BCLAF3: variants seen among roughly 807,000 people sequenced by gnomAD.
BCLAF3 encodes BCLAF1 and THRAP3 family member 3.
A neutral mutation model predicts 51.2 loss-of-function variants in BCLAF3; 24 were observed. The ratio of observed to expected loss-of-function variants is 0.47; its 90% CI spans 0.34 to 0.66. The LOEUF is 0.66. Among genes scored for constraint, BCLAF3 ranks in the 30% least tolerant of loss-of-function variants. The pLI is 0.01. For missense variants in BCLAF3, 465 were observed against 525.1 expected (o/e 0.89, Z 1.12); for synonymous variants, 152 against 176.6 (o/e 0.86, Z 1.10).
At chrX:19,961,433 T>G (rs1049080320) in intron 4 of BCLAF3, among the ~76,000 whole-genome samples, 3 of 112,242 alleles carry the variant, frequency 2.7e-5, no homozygotes, top group Non-Finnish European at 5.6e-5. Context: ...TCAACCATAC[T>G]GACAATTGGA....
Position 19,935,808 on chromosome X carries a change from C to A in BCLAF3, c.1950+1G>T. ...ATTAAATGGAAAACAACACTCAATA[C>A]CTTAAAAGGTCTTACTCTTGTGTTT... On this transcript the variant is annotated splice_donor_variant, in intron 10 of 11. Transcript: ENST00000379682. LOFTEE classifies it high-confidence loss of function. The A allele has an allele frequency of 8.3e-7, 1 of 1,199,042 alleles. No homozygotes were observed. The highest frequency in any genetic ancestry group is 1.1e-6 in the Non-Finnish European group (1 of 884,615).
At chrX:19,975,918 T>C (rs1002842781) in intron 1 of BCLAF3, among the ~76,000 whole-genome samples, 1 of 112,072 alleles carries the variant, frequency 8.9e-6, no homozygotes, top group Non-Finnish European at 1.9e-5. Context: ...TTTCTCCTCA[T>C]CTTCCCTGTC....
At chrX:19,972,291 A>C in intron 1 of BCLAF3, among the ~76,000 whole-genome samples, 1 of 111,945 alleles carries the variant, frequency 8.9e-6, no homozygotes, top group Non-Finnish European at 1.9e-5. Flanking sequence ...TCTGATAGAG[A>C]TTACATTCAA....
At chrX:19,947,328 C>T (rs1277311131) in intron 8 of BCLAF3, among the ~76,000 whole-genome samples, 1 of 112,157 alleles carries the variant, frequency 8.9e-6, no homozygotes. Context: ...TTTTAAGCTA[C>T]TTTATCAAAC....
At chrX:19,949,515 A>T (rs1212964673) in intron 8 of BCLAF3, among the ~76,000 whole-genome samples, 3 of 112,389 alleles carry the variant, frequency 2.7e-5, no homozygotes, top group Non-Finnish European at 5.6e-5. Flanking sequence ...CAAGAAAAGC[A>T]TGATAGAGAG....
intron 1 of BCLAF3, among the ~76,000 whole-genome samples, chrX:19,989,686 T>C (rs1035911059): frequency 9.0e-6 from 1 of 111,630 alleles, no homozygotes; most frequent in Non-Finnish European, 1.9e-5. Context: ...AGAAAAAGAC[T>C]GGAGGTGTAT....
chrX:19,936,856 G>C (rs2070781593), intron 9 of BCLAF3, among the ~76,000 whole-genome samples: 1 of 111,163 alleles, frequency 9.0e-6, no homozygotes, highest in Admixed American at 9.7e-5. Flanking sequence ...ATTGGGTAAT[G>C]AAAATATTCT....
chrX:19,924,332 T>C (rs1365172337), intron 11 of BCLAF3, among the ~76,000 whole-genome samples: 2 of 111,134 alleles, frequency 1.8e-5, no homozygotes, highest in Non-Finnish European at 3.8e-5. Context: ...TTTAAAAGAA[T>C]GCATGGAGGA....
chrX:19,955,956 AC>A (rs1322037086), intron 4 of BCLAF3, among the ~76,000 whole-genome samples: 3 of 112,323 alleles, frequency 2.7e-5, no homozygotes, highest in Non-Finnish European at 5.6e-5. Context: ...TTGAAATACT[AC>A]CACACTTTAA....
chrX:19,925,664 C>T (rs1339439222), intron 11 of BCLAF3, among the ~76,000 whole-genome samples: 7 of 111,482 alleles, frequency 6.3e-5, no homozygotes, highest in Non-Finnish European at 1.3e-4. Flanking sequence ...TGGTACCTCA[C>T]CCAGGAACCC....
chrX:19,921,856 A>T (rs2070172323), intron 11 of BCLAF3, among the ~76,000 whole-genome samples: 1 of 107,869 alleles, frequency 9.3e-6, no homozygotes, highest in South Asian at 4.1e-4. Flanking sequence ...CAAAAAAATT[A>T]GCTGGGCATG....
At chrX:19,955,145 C>T (rs1474648365) in intron 5 of BCLAF3, among the ~76,000 whole-genome samples, 1 of 111,480 alleles carries the variant, frequency 9.0e-6, no homozygotes, top group Non-Finnish European at 1.9e-5. Flanking sequence ...CAGCCAGCCT[C>T]TCCCTTTCTA....
At chrX:19,955,136 A>T (rs2071620502) in intron 5 of BCLAF3, among the ~76,000 whole-genome samples, 2 of 111,447 alleles carry the variant, frequency 1.8e-5, no homozygotes, top group Admixed American at 9.6e-5. Context: ...CTTTCGCAGC[A>T]GCCAGCCTCT....
At chrX:19,939,184 G>GA (rs1193845488) in intron 8 of BCLAF3, among the ~76,000 whole-genome samples, 2 of 112,129 alleles carry the variant, frequency 1.8e-5, no homozygotes, top group African/African-American at 6.5e-5. Flanking sequence ...TATGTGCCCA[G>GA]AAAAAATAAA....
At chrX:19,978,004 G>A (rs1029699756) in intron 1 of BCLAF3, among the ~76,000 whole-genome samples, 3 of 109,811 alleles carry the variant, frequency 2.7e-5, no homozygotes, top group Middle Eastern at 4.6e-3. Context: ...GCCCAATGTT[G>A]AGACCTACTG....
intron 8 of BCLAF3, among the ~76,000 whole-genome samples, chrX:19,949,734 T>C (rs2071417777): frequency 8.9e-6 from 1 of 112,698 alleles, no homozygotes; most frequent in Admixed American, 9.4e-5. Context: ...AGCTACAGAC[T>C]TGACTTAAAA....
intron 1 of BCLAF3, among the ~76,000 whole-genome samples, chrX:19,983,444 T>C (rs1193354521): frequency 2.8e-5 from 3 of 107,963 alleles, no homozygotes; most frequent in Non-Finnish European, 5.8e-5. Flanking sequence ...TAGCTGGGCA[T>C]GGTGGCTCAT....
chrX:19,919,465 T>C (rs756814582), intron 11 of BCLAF3, among the ~76,000 whole-genome samples: 8 of 111,697 alleles, frequency 7.2e-5, no homozygotes, highest in African/African-American at 2.6e-4. Context: ...GAGAATCACT[T>C]GAACCTGGGA....
intron 6 of BCLAF3, 110 bp downstream of exon 6, chrX:19,953,668 A>G: frequency 2.1e-6 from 1 of 467,159 alleles, no homozygotes; most frequent in East Asian, 3.7e-5. Flanking sequence ...GCAATCCTAC[A>G]GTCTACAGCA....
Sources: gnomAD v4.1 joint callset for allele counts (sites outside exome capture counted in the v4.1 genomes callset) on GRCh38, gnomAD v4.1.1 for gene constraint, MANE v1.5 for transcripts, NCBI Gene and HGNC (gene_info 2026-07-23, HGNC 2026-07-21) for gene names.